The following ACTR8 variants were observed in gnomAD, a reference collection of about 807,000 sequenced individuals.
ACTR8 encodes actin related protein 8, also known as actin-related protein 8.
A neutral mutation model predicts 84.3 loss-of-function variants in ACTR8; 70 were observed. The observed-to-expected ratio is 0.83, with a 90% CI of 0.68 to 1.01. The LOEUF (loss-of-function observed/expected upper bound fraction) is 1.01. ACTR8 is among the 50% of genes least tolerant of loss of function. The pLI, the probability that ACTR8 is intolerant of heterozygous loss-of-function variation, is 0.00. For synonymous variants in ACTR8, 268 were observed against 275.2 expected (o/e 0.97, Z 0.26); for missense variants, 672 against 775.4 (o/e 0.87, Z 1.58).
At chr3:53,881,415 G>A (rs904366424) in intron 1 of ACTR8, among the ~76,000 whole-genome samples, 1 of 152,198 alleles carries the variant, frequency 6.6e-6, no homozygotes, top group Admixed American at 6.5e-5. Flanking sequence ...GGTTAGTTTA[G>A]TTTGGTCTAA....
intron 3 of ACTR8, 100 bp downstream of exon 3, chr3:53,878,257 T>C: frequency 1.1e-6 from 1 of 920,236 alleles, no homozygotes; most frequent in South Asian, 1.4e-5. Flanking sequence ...TTTAAGGAAC[T>C]CCCATCTTGT....
intron 4 of ACTR8, 81 bp from the exon 5 acceptor site, chr3:53,877,468 T>TAA: frequency 7.0e-7 from 1 of 1,425,106 alleles, no homozygotes; most frequent in South Asian, 1.4e-5. Context: ...AAAATCTAAC[T>TAA]AACGTTTGCT....
Position 53,874,197 on chromosome 3 carries a change from GAT to G in ACTR8, c.1065+12_1065+13del. On this transcript the variant is annotated intron_variant, in intron 8 of 12. Coordinates refer to ENST00000335754, the MANE Select transcript of ACTR8 (RefSeq NM_022899.5). ...AGAAACAAAAATAATCAGCAATATT[GAT>G]TCTGCTCCCACCTGATCTAAATGAC... 3 of 1,593,192 alleles carry G rather than the reference GAT, an allele frequency of 1.9e-6. No individual in the cohort carries two copies. The highest frequency in any genetic ancestry group is 2.6e-6 in the Non-Finnish European group (3 of 1,173,524).
At chr3:53,866,575 G>A (rs542666762), downstream of ACTR8, among the ~76,000 whole-genome samples, 10 of 151,818 alleles carry the variant, frequency 6.6e-5, no homozygotes, top group East Asian at 1.4e-3. Flanking sequence ...TCTGCCTTCC[G>A]GGTTCACGCC....
intron 2 of ACTR8, among the ~76,000 whole-genome samples, chr3:53,879,445 C>T (rs899187937): frequency 2.6e-5 from 4 of 152,086 alleles, no homozygotes; most frequent in African/African-American, 9.7e-5. Flanking sequence ...TGATAATTAC[C>T]ATCTGCAACA....
downstream of ACTR8, chr3:53,864,749 G>A: frequency 6.2e-7 from 1 of 1,601,288 alleles, no homozygotes; most frequent in African/African-American, 1.3e-5. Flanking sequence ...CTCACAGAAA[G>A]GATCAAGAAG....
Position 53,876,726 on chromosome 3 carries a change from A to G in ACTR8, c.685-13T>C, listed in dbSNP as rs749174521. On this transcript the variant is annotated splice_polypyrimidine_tract_variant and intron_variant, in intron 5 of 12. Transcript: ENST00000335754. ...TACATCTATAATACTAAAAAGAAGA[A>G]CAAAGATAAAAGGGTTAGCACTCAA... 1.4e-6 allele frequency: 2 copies of G among 1,406,016 alleles called. No homozygotes were observed. The highest frequency in any genetic ancestry group is 2.0e-6 in the Non-Finnish European group (2 of 1,013,630). 87.1% of individuals were successfully genotyped at this position (1,406,016 alleles called of 1,614,324 possible).
intron 2 of ACTR8, 85 bp from the exon 3 acceptor site, chr3:53,878,552 T>C: frequency 1.2e-6 from 1 of 803,912 alleles, no homozygotes; most frequent in East Asian, 2.5e-5. Flanking sequence ...AATCCAATCT[T>C]TGGAAATGCT....
intron 2 of ACTR8, among the ~76,000 whole-genome samples, chr3:53,878,961 A>AC (rs1183984380): frequency 6.6e-6 from 1 of 152,238 alleles, no homozygotes. Flanking sequence ...AAGCATACCT[A>AC]CTTCATGTTT....
chr3:53,864,765 C>T (rs759023291), downstream of ACTR8: 1 of 1,608,972 alleles, frequency 6.2e-7, no homozygotes, highest in Non-Finnish European at 8.5e-7. Context: ...AGAAGACTTC[C>T]TTTTCTACCA....
chr3:53,864,818 C>G, downstream of ACTR8: 1 of 1,614,114 alleles, frequency 6.2e-7, no homozygotes, highest in East Asian at 2.2e-5. Flanking sequence ...GTTTACCCAT[C>G]TGAAATATGT....
chr3:53,868,738 C>A lies in ACTR8; in HGVS notation c.1856G>T (p.Arg619Leu). 6.2e-7 allele frequency: 1 copy of A among 1,614,122 alleles called. No homozygotes were observed. Among genetic ancestry groups the A allele is most frequent in the South Asian group, 1.1e-5 (1 of 91,072 alleles). ...QRFGVRMLRE[R>L]AAFVW Reference sequence around the variant, plus strand: ...CCCCATTCACCACACAAACGCAGCCCGCTCTCGTAACATGCGGACACCAAA... The same window carrying A: ...CCCCATTCACCACACAAACGCAGCCAGCTCTCGTAACATGCGGACACCAAA... Residue 619 changes from arginine to leucine, a missense_variant, in exon 13 of 13, where the codon CGG (arginine) becomes CTG (leucine). Transcript: ENST00000335754.
At chr3:53,865,037 GCAGT>G (rs1699732064), downstream of ACTR8, 2 of 1,614,148 alleles carry the variant, frequency 1.2e-6, no homozygotes, top group Non-Finnish European at 8.5e-7. Flanking sequence ...AAGAGCGAGG[GCAGT>G]CCCAGTGAGA....
In ACTR8 at chr3:53,872,578, C is replaced by A. The variant is rs549332222; in HGVS notation, c.1162-54G>T. 5 of 1,502,078 alleles carry A rather than the reference C, an allele frequency of 3.3e-6. No homozygotes were observed. In the East Asian group the frequency reaches 7.3e-5, roughly 22 times the overall value. 93.0% of individuals were successfully genotyped at this position (1,502,078 alleles called of 1,614,324 possible). ...AAAAGATACTGCATCCTGAAAAAAA[C>A]TGATCCACTAAATTCTGTTCTTCTA... On this transcript the variant is annotated intron_variant, in intron 9 of 12. Coordinates refer to ENST00000335754, the MANE Select transcript of ACTR8 (RefSeq NM_022899.5).
rs1390856065 is a variant in ACTR8 at position 53,877,679 on chromosome 3, AT to A, written c.477del (p.Ser160LeufsTer7). On this transcript the variant is annotated frameshift_variant, in exon 4 of 13. Coordinates refer to ENST00000335754, the MANE Select transcript of ACTR8 (RefSeq NM_022899.5). LOFTEE classifies it high-confidence loss of function. ...DHCSGNKWTN[T>X]SHHPEYLVGE... is the part of the protein sequence containing the mutation. ...CCTACTAAATACTCAGGGTGATGAG[AT>A]GTGTTTGTCCACTTATTTCCCGAAC... 1.2e-6 allele frequency: 2 copies of A among 1,613,974 alleles called. No individual in the cohort carries two copies. The highest frequency in any genetic ancestry group is 2.7e-5 in the African/African-American group (2 of 74,918).
rs931417236 is a variant in ACTR8 at position 53,874,452 on chromosome 3, T to C, written c.912-88A>G. 8.0e-6 allele frequency: 11 copies of C among 1,376,522 alleles called. No homozygotes were observed. The African/African-American group carries it at 1.3e-4, about 17-fold the overall frequency. 85.3% of individuals were successfully genotyped at this position (1,376,522 alleles called of 1,614,324 possible). ...GAAGAAATCCATTAATGGCTGGGCA[T>C]GGTGGTTCCTGCCTGTAATCCCAGC... On this transcript the variant is annotated intron_variant, in intron 7 of 12. Transcript: ENST00000335754.
intron 12 of ACTR8, among the ~76,000 whole-genome samples, 198 bp from the exon 13 acceptor site, chr3:53,869,060 T>C (rs1190368370): frequency 6.6e-6 from 1 of 152,200 alleles, no homozygotes; most frequent in Admixed American, 6.5e-5. Flanking sequence ...GGCGGGCAGA[T>C]CACGAGATCA....
In ACTR8 at chr3:53,868,074, C is replaced by T. The variant is rs1442537054; in HGVS notation, c.*645G>A. On this transcript the variant is annotated 3_prime_UTR_variant, in exon 13 of 13. Transcript: ENST00000335754. ...ATTGTTTTCTTTCTTCCTCTAAGCTCACCCTACGGCATGTCAGGTAACAAA... is the reference window on the plus strand; with the variant it reads ...ATTGTTTTCTTTCTTCCTCTAAGCTTACCCTACGGCATGTCAGGTAACAAA... 6.6e-6 allele frequency: 1 copy of T among 152,164 alleles called. No homozygotes were observed. The highest frequency in any genetic ancestry group is 1.5e-5 in the Non-Finnish European group (1 of 68,042). The allele number at this position is 152,164 out of a possible 1,614,324, so 9.4% of individuals were successfully genotyped here.
At chr3:53,862,197 T>C (rs1167400212), downstream of ACTR8, among the ~76,000 whole-genome samples, 1 of 151,914 alleles carries the variant, frequency 6.6e-6, no homozygotes. Context: ...GCCCCATGAG[T>C]TCAACACTAA....
Sources: gnomAD v4.1 joint callset for allele counts (sites outside exome capture counted in the v4.1 genomes callset) on GRCh38, gnomAD v4.1.1 for gene constraint, MANE v1.5 for transcripts, NCBI Gene and HGNC (gene_info 2026-07-23, HGNC 2026-07-21) for gene names.